MEGF10: variants seen among roughly 807,000 people sequenced by gnomAD.
MEGF10 encodes multiple epidermal growth factor-like domains protein 10.
MEGF10 carries 86 observed loss-of-function variants against 147.5 expected under a neutral mutation model. The ratio of observed to expected loss-of-function variants is 0.58; its 90% CI spans 0.49 to 0.70. The LOEUF is 0.70. Ranked by LOEUF, MEGF10 falls within the 30% of genes least tolerant of loss-of-function variation. The pLI is 0.00. For synonymous variants in MEGF10, 478 were observed against 525.5 expected, an observed-to-expected ratio of 0.91 and a Z score of 1.24; for missense variants, 1,329 against 1,487.3, an observed-to-expected ratio of 0.89 and a Z score of 1.75.
At position 127,455,370 on chromosome 5, in the gene MEGF10, A is replaced by G. The variant is rs1280346462; in HGVS notation, c.3026-31A>G. Reference sequence around the variant, plus strand: ...GAAATGATGTTGCCAGTGACACAGCATTAGCTTTCTCTTCTCATTTCTCTT... The same window carrying G: ...GAAATGATGTTGCCAGTGACACAGCGTTAGCTTTCTCTTCTCATTTCTCTT... On this transcript the variant is annotated intron_variant, in intron 23 of 24. Transcript: ENST00000503335. 5 of 1,577,312 alleles carry G rather than the reference A, an allele frequency of 3.2e-6. No individual in the cohort carries two copies. The East Asian group carries it at 1.1e-4, about 35-fold the overall frequency.
At chr5:127,339,272 C>T (rs1561580299) in intron 3 of MEGF10, 51 bp downstream of exon 3, 1 of 1,231,206 alleles carries the variant, frequency 8.1e-7, no homozygotes, top group Non-Finnish European at 1.2e-6. Flanking sequence ...GGAATAGATT[C>T]TAATACAGAG....
chr5:127,270,773 A>C, the MEGF10 span, among the ~76,000 whole-genome samples: 3 of 151,742 alleles, frequency 2.0e-5, no homozygotes, highest in African/African-American at 4.8e-5. Flanking sequence ...CCATGTGCCC[A>C]TGTGTTTTCA....
rs1458157456 is a variant in MEGF10 at position 127,419,217 on chromosome 5, A to G, written c.1403A>G (p.Asp468Gly). 2 of 1,613,986 alleles carry G rather than the reference A, an allele frequency of 1.2e-6. No homozygotes were observed. Among genetic ancestry groups the G allele is most frequent in the Admixed American group, 1.7e-5 (1 of 59,980 alleles). ...CKNDAVCSPV[D>G]GSCTCKAGWH... ...AATGATGCAGTCTGCTCTCCTGTGG[A>G]CGGGTCTTGTACTTGCAAGGCAGGT... is the stretch of plus-strand genomic sequence containing the variant. The change falls in exon 11 of 25, where the codon GAC becomes GGC. Residue 468 changes from aspartate (D) to glycine (G), a missense_variant. Around this residue, in one of 3 missense-constraint regions of MEGF10, gnomAD observed 980 missense variants for 1,085.9 expected, o/e 0.90. Coordinates refer to ENST00000503335, the MANE Select transcript of MEGF10 (RefSeq NM_001256545.2).
chr5:127,383,610 C>T (rs1214611298), intron 5 of MEGF10, among the ~76,000 whole-genome samples: 1 of 152,130 alleles, frequency 6.6e-6, no homozygotes, highest in East Asian at 1.9e-4. Flanking sequence ...CCCCCCAACA[C>T]ACCCACAAAC....
chr5:127,265,042 T>G, the MEGF10 span, among the ~76,000 whole-genome samples: 9 of 152,200 alleles, frequency 5.9e-5, no homozygotes, highest in Non-Finnish European at 1.3e-4. Flanking sequence ...ACATTAGGTA[T>G]ATTTCCTAAT....
At chr5:127,309,965 C>CTTTCTTTCTTTCTTTCTTTA (rs1554089014) in intron 1 of MEGF10, among the ~76,000 whole-genome samples, 1 of 64,198 alleles carries the variant, frequency 1.6e-5, no homozygotes, top group African/African-American at 6.4e-5. Context: ...TTCTTTCTTT[C>CTTTCTTTCTTTCTTTCTTTA]TTTCTTTCTT....
At chr5:127,373,553 CA>C (rs765620721) in intron 5 of MEGF10, among the ~76,000 whole-genome samples, 2 of 152,158 alleles carry the variant, frequency 1.3e-5, no homozygotes, top group Non-Finnish European at 2.9e-5. Flanking sequence ...TTTCCTACTG[CA>C]GCCCTAAAAT....
At position 127,397,981 on chromosome 5, in the gene MEGF10, C is replaced by T. The variant is rs546683105; in HGVS notation, c.660-695C>T. 1.1e-4 allele frequency among the ~76,000 whole-genome samples: 17 copies of T among 151,514 alleles called. 1 individual carries two copies. The highest frequency in any genetic ancestry group is 3.9e-4 in the African/African-American group (16 of 41,254). ...AACACAGGAACAGAAAACCAAACAC[C>T]GCATGTTCTCACTCATAAGTGGGAG... On this transcript the variant is annotated intron_variant, in intron 6 of 24. Transcript: ENST00000503335.
At chr5:127,261,460 T>C in the MEGF10 span, among the ~76,000 whole-genome samples, 3 of 152,228 alleles carry the variant, frequency 2.0e-5, no homozygotes, top group Admixed American at 1.3e-4. Flanking sequence ...GTGGTCTGAT[T>C]ACTAAATATA....
At chr5:127,370,345 A>C (rs905717123) in intron 5 of MEGF10, among the ~76,000 whole-genome samples, 1 of 152,086 alleles carries the variant, frequency 6.6e-6, no homozygotes, top group Non-Finnish European at 1.5e-5. Flanking sequence ...TTGTATCCTA[A>C]CTTCTGTTTT....
chr5:127,410,406 C>T lies in MEGF10; in HGVS notation c.935C>T (p.Pro312Leu), dbSNP rs199702225. 30 of 1,614,248 alleles carry T rather than the reference C, an allele frequency of 1.9e-5. No individual in the cohort carries two copies. In the Admixed American group the frequency reaches 4.0e-4, roughly 22 times the overall value. Residue 312 changes from proline to leucine, a missense_variant, in exon 9 of 25, where the codon CCT becomes CTT. Physicochemically the swap from Pro to Leu is moderately conservative, Grantham distance 98. Transcript: ENST00000503335. The part of the protein sequence containing the change: ...YTGERCQDEC[P>L]VGTYGVLCAE... Reference sequence around the variant, plus strand: ...CTTGGTAGGTGCCAGGATGAGTGTCCTGTTGGGACCTATGGCGTTCTCTGT... The same window carrying T: ...CTTGGTAGGTGCCAGGATGAGTGTCTTGTTGGGACCTATGGCGTTCTCTGT...
intron 4 of MEGF10, among the ~76,000 whole-genome samples, chr5:127,367,428 T>C (rs765932667): frequency 5.5e-4 from 84 of 152,268 alleles, no homozygotes; most frequent in Non-Finnish European, 9.6e-4. Flanking sequence ...TCAAATAAAA[T>C]CTTACATAGA....
chr5:127,457,612 C>T lies in MEGF10; in HGVS notation c.*294C>T. 1 of 349,064 alleles carries T rather than the reference C, an allele frequency of 2.9e-6. No homozygotes were observed. Among genetic ancestry groups the T allele is most frequent in the Non-Finnish European group, 5.2e-6 (1 of 190,802 alleles). The allele number at this position is 349,064 out of a possible 1,614,324, so 21.6% of individuals were successfully genotyped here. A position where few individuals can be genotyped will look rare whatever the true frequency, so the allele number is the denominator to read the frequency against. ...TGAAAGCATGAACTTGCAGAACTCC[C>T]TCGGAGACGCAGGTTGCAGTGGACA... On this transcript the variant is annotated 3_prime_UTR_variant, in exon 25 of 25. Coordinates refer to ENST00000503335, the MANE Select transcript of MEGF10 (RefSeq NM_001256545.2).
the MEGF10 span, among the ~76,000 whole-genome samples, chr5:127,235,971 C>T: frequency 0.012 from 1,442 of 122,668 alleles, 11 homozygotes; most frequent in Non-Finnish European, 0.016. Flanking sequence ...AGCCCAGGGT[C>T]GGCAAACTTT....
intron 11 of MEGF10, 23 bp from the exon 12 acceptor site, chr5:127,420,021 G>T: frequency 6.2e-7 from 1 of 1,612,320 alleles, no homozygotes. Context: ...TCGCTCACGT[G>T]CTCTGGCGTT....
At chr5:127,368,162 C>G (rs914796087) in intron 4 of MEGF10, among the ~76,000 whole-genome samples, 14 of 152,184 alleles carry the variant, frequency 9.2e-5, no homozygotes, top group African/African-American at 3.4e-4. Context: ...AACTTGGCAG[C>G]AAAAATCAAA....
chr5:127,350,084 G>A (rs751657791), intron 4 of MEGF10, among the ~76,000 whole-genome samples: 3 of 151,936 alleles, frequency 2.0e-5, no homozygotes, highest in African/African-American at 2.4e-5. Context: ...CAAATTTCAC[G>A]GCTATGTTTG....
chr5:127,362,074 T>C (rs1222596578), intron 4 of MEGF10, among the ~76,000 whole-genome samples: 1 of 152,102 alleles, frequency 6.6e-6, no homozygotes, highest in South Asian at 2.1e-4. Context: ...TCTTTTCTTA[T>C]TTTCTTTTTA....
chr5:127,229,370 G>C, the MEGF10 span: 1 of 152,130 alleles, frequency 6.6e-6, no homozygotes, highest in Non-Finnish European at 1.5e-5. Flanking sequence ...CGCCGCAGCC[G>C]GCTCTGAGGA....
Sources: gnomAD v4.1 joint callset for allele counts (sites outside exome capture counted in the v4.1 genomes callset) on GRCh38, gnomAD v4.1.1 for gene constraint, gnomAD v4.1.1 regional missense constraint, MANE v1.5 for transcripts, NCBI Gene and HGNC (gene_info 2026-07-23, HGNC 2026-07-21) for gene names.